RNF180: variants seen among roughly 807,000 people sequenced by gnomAD.
RNF180 encodes the protein E3 ubiquitin-protein ligase RNF180.
Under a neutral mutation model 59.2 loss-of-function variants are expected in RNF180, and 38 were observed. The ratio of observed to expected loss-of-function variants is 0.64; its 90% confidence interval spans 0.50 to 0.84. The LOEUF is 0.84. Among genes scored for constraint, RNF180 ranks in the 40% least tolerant of loss-of-function variants. The probability of loss-of-function intolerance (pLI) is 0.00; values close to 1 mark genes in which losing one functional copy is unlikely to be tolerated. For synonymous variants in RNF180, 262 were observed against 240.3 expected (o/e 1.09, Z -0.84); for missense variants, 705 against 700.9 (o/e 1.01, Z -0.07).
chr5:64,247,011 C>T (rs1462617265), intron 5 of RNF180, among the ~76,000 whole-genome samples: 2 of 152,162 alleles, frequency 1.3e-5, no homozygotes, highest in Admixed American at 6.6e-5. Flanking sequence ...ACAAAAATTA[C>T]ATGATTATCT....
At chr5:64,300,466 A>C (rs529088711) in intron 5 of RNF180, among the ~76,000 whole-genome samples, 35 of 151,832 alleles carry the variant, frequency 2.3e-4, no homozygotes, top group Non-Finnish European at 4.0e-4. Context: ...ACAATGGGTT[A>C]ACTGGCATAT....
At chr5:64,248,567 C>T (rs1217390537) in intron 5 of RNF180, among the ~76,000 whole-genome samples, 1 of 152,184 alleles carries the variant, frequency 6.6e-6, no homozygotes, top group Non-Finnish European at 1.5e-5. Flanking sequence ...TACCATCTCA[C>T]ACCAGTTAGA....
chr5:64,168,498 T>C (rs1468617228), intron 1 of RNF180, among the ~76,000 whole-genome samples: 1 of 152,226 alleles, frequency 6.6e-6, no homozygotes, highest in East Asian at 1.9e-4. Flanking sequence ...TTGTAACCTA[T>C]CAATTATCTC....
At chr5:64,217,189 G>A (rs984342817) in intron 4 of RNF180, among the ~76,000 whole-genome samples, 172 bp from the exon 5 acceptor site, 4 of 152,108 alleles carry the variant, frequency 2.6e-5, no homozygotes, top group African/African-American at 9.7e-5. Context: ...TATATTTATA[G>A]TTTGTTCTTT....
At chr5:64,194,016 T>A (rs1438822486) in intron 1 of RNF180, among the ~76,000 whole-genome samples, 2 of 152,128 alleles carry the variant, frequency 1.3e-5, no homozygotes, top group Admixed American at 1.3e-4. Flanking sequence ...TTTTTTTTTT[T>A]ATTATACTTT....
chr5:64,318,105 C>G (rs1406154968), intron 5 of RNF180, among the ~76,000 whole-genome samples: 1 of 152,164 alleles, frequency 6.6e-6, no homozygotes, highest in African/African-American at 2.4e-5. Context: ...TGGGCACCAT[C>G]TGTGTTATGT....
At chr5:64,339,335 C>T (rs773521303) in intron 7 of RNF180, among the ~76,000 whole-genome samples, 16 of 151,922 alleles carry the variant, frequency 1.1e-4, no homozygotes, top group Non-Finnish European at 2.1e-4. Flanking sequence ...TTTTTACTTT[C>T]TTTGAATTAT....
chr5:64,311,209 A>C (rs891738862), intron 5 of RNF180, among the ~76,000 whole-genome samples: 2 of 151,942 alleles, frequency 1.3e-5, no homozygotes, highest in Non-Finnish European at 2.9e-5. Context: ...AATAAATTAC[A>C]GTTACTTTGA....
At position 64,369,664 on chromosome 5, in the gene RNF180, T is replaced by C. The variant is rs1306205732; in HGVS notation, c.1629T>C (p.Gly543=). ...APVTRRQFPH[G]AHRMDYLHFE... The stretch of plus-strand genomic sequence containing the variant: ...TTACAAGAAGGCAGTTCCCACACGG[T>C]GCACACAGGATGGATTACCTGCACT... Residue 543 remains glycine, a synonymous_variant, in exon 8 of 8, where the codon GGT becomes GGC. Coordinates refer to ENST00000389100, the MANE Select transcript of RNF180 (RefSeq NM_001113561.2). The C allele has an allele frequency of 4.5e-6, 7 of 1,544,592 alleles. No homozygotes were observed. The South Asian group carries it at 7.2e-5, about 16-fold the overall frequency.
At position 64,365,809 on chromosome 5, in the gene RNF180, C is replaced by A. The variant is rs372318852; in HGVS notation, c.1580-3806C>A. 7.3e-5 allele frequency among the ~76,000 whole-genome samples: 11 copies of A among 151,484 alleles called. No individual in the cohort carries two copies. In the East Asian group the frequency reaches 1.9e-3, roughly 27 times the overall value. On this transcript the variant is annotated intron_variant, in intron 7 of 7. Transcript: ENST00000389100. ...TGATTGCAACCCCTGCTTTTTTATG[C>A]TTTCCATTTGCTTGATAGATTTTTC...
At chr5:64,260,882 T>C (rs1210070835) in intron 5 of RNF180, among the ~76,000 whole-genome samples, 2 of 152,164 alleles carry the variant, frequency 1.3e-5, no homozygotes, top group African/African-American at 4.8e-5. Flanking sequence ...TACTATTGTT[T>C]ATATTGTTGT....
chr5:64,290,294 G>T (rs979106384), intron 5 of RNF180, among the ~76,000 whole-genome samples: 2 of 152,128 alleles, frequency 1.3e-5, no homozygotes, highest in African/African-American at 4.8e-5. Flanking sequence ...TTTTACTTCC[G>T]ATTATTTGAT....
intron 5 of RNF180, among the ~76,000 whole-genome samples, chr5:64,229,125 A>G (rs1218706300): frequency 2.0e-5 from 3 of 151,970 alleles, no homozygotes; most frequent in Non-Finnish European, 2.9e-5. Flanking sequence ...CGGTCTCACT[A>G]TATTGCCCAG....
At chr5:64,188,478 A>G (rs1561175241) in intron 1 of RNF180, among the ~76,000 whole-genome samples, 1 of 151,938 alleles carries the variant, frequency 6.6e-6, no homozygotes, top group African/African-American at 2.4e-5. Context: ...TGGAAATATT[A>G]TTTGCCCTGA....
intron 5 of RNF180, among the ~76,000 whole-genome samples, chr5:64,218,129 C>T (rs6893186): frequency 0.35 from 52,658 of 151,672 alleles, 10,469 homozygotes; most frequent in African/African-American, 0.55. Context: ...ATTTTTATGA[C>T]GTCCTATTTC....
At chr5:64,170,575 G>A (rs182027257) in intron 1 of RNF180, among the ~76,000 whole-genome samples, 1 of 152,156 alleles carries the variant, frequency 6.6e-6, no homozygotes, top group African/African-American at 2.4e-5. Context: ...CCTGCCTAGC[G>A]GAAAAGGCAT....
At chr5:64,276,710 G>T (rs1323615755) in intron 5 of RNF180, among the ~76,000 whole-genome samples, 1 of 151,576 alleles carries the variant, frequency 6.6e-6, no homozygotes, top group Non-Finnish European at 1.5e-5. Context: ...ATAAATGAGG[G>T]AATACAAATC....
intron 6 of RNF180, among the ~76,000 whole-genome samples, chr5:64,326,116 G>A (rs935902346): frequency 2.0e-5 from 3 of 152,094 alleles, no homozygotes; most frequent in African/African-American, 7.2e-5. Flanking sequence ...GAGGATCTGA[G>A]TATGTACTAC....
chr5:64,320,581 A>C (rs932609465), intron 5 of RNF180, among the ~76,000 whole-genome samples: 2 of 152,324 alleles, frequency 1.3e-5, no homozygotes, highest in African/African-American at 4.8e-5. Context: ...AGACCTACAC[A>C]AGTGAGGGAA....
Sources: allele counts gnomAD v4.1 joint callset (sites outside exome capture counted in the v4.1 genomes callset), GRCh38; gene constraint gnomAD v4.1.1; transcripts MANE v1.5; gene names NCBI Gene and HGNC (gene_info 2026-07-23, HGNC 2026-07-21).